POLN: variants seen among roughly 807,000 people sequenced by gnomAD.
POLN encodes DNA polymerase N.
Under a neutral mutation model 113.5 loss-of-function variants are expected in POLN, and 108 were observed. The observed-to-expected ratio is 0.95, with a 90% confidence interval of 0.81 to 1.12. The LOEUF is 1.12. Ranked by LOEUF, POLN falls within the 50% of genes most tolerant of loss-of-function variation. The pLI is 0.00. For synonymous variants in POLN, 386 were observed against 391.5 expected, an observed-to-expected ratio of 0.99 and a Z score of 0.17; for missense variants, 1,097 against 1,077.1, an observed-to-expected ratio of 1.02 and a Z score of -0.26.
chr4:2,188,962 T>C (rs560141914), intron 7 of POLN, among the ~76,000 whole-genome samples: 2 of 150,620 alleles, frequency 1.3e-5, no homozygotes, highest in African/African-American at 5.0e-5. Flanking sequence ...TAAAGATAAG[T>C]TGTCATCTGT....
chr4:2,187,290 C>A (rs893577779), intron 7 of POLN, among the ~76,000 whole-genome samples: 1 of 152,144 alleles, frequency 6.6e-6, no homozygotes, highest in East Asian at 1.9e-4. Context: ...GTTGCTCAGG[C>A]GGAAGTGCAA....
intron 5 of POLN, among the ~76,000 whole-genome samples, chr4:2,205,868 C>CT (rs1733830135): frequency 7.5e-6 from 1 of 133,378 alleles, no homozygotes; most frequent in Non-Finnish European, 1.5e-5. Context: ...GAGCGAGACT[C>CT]TGTCTCAAAA....
intron 13 of POLN, among the ~76,000 whole-genome samples, chr4:2,162,919 C>G (rs1233478446): frequency 6.7e-6 from 1 of 149,012 alleles, no homozygotes; most frequent in Non-Finnish European, 1.5e-5. Context: ...TCTTGATATT[C>G]AATAGACTAT....
chr4:2,109,433 T>G (rs1386274996), intron 19 of POLN, among the ~76,000 whole-genome samples: 3 of 152,228 alleles, frequency 2.0e-5, no homozygotes, highest in African/African-American at 7.2e-5. Flanking sequence ...TTAAACTTTA[T>G]TTAAATAGAA....
intron 2 of POLN, chr4:2,240,237 T>G (rs368361238): frequency 3.1e-6 from 5 of 1,613,728 alleles, no homozygotes; most frequent in Non-Finnish European, 4.2e-6. Flanking sequence ...AAGTTGAAAA[T>G]TGTCTTCATT....
At chr4:2,182,892 A>G (rs1733178144) in intron 7 of POLN, among the ~76,000 whole-genome samples, 1 of 152,216 alleles carries the variant, frequency 6.6e-6, no homozygotes, top group African/African-American at 2.4e-5. Context: ...ATTGGGAGAA[A>G]GTATTTGCAA....
Position 2,085,699 on chromosome 4 carries a change from G to C in POLN, c.2111C>G (p.Ala704Gly). The change falls in exon 21 of 26, where the codon GCT becomes GGT. Residue 704 changes from alanine (A) to glycine (G), a missense_variant. Ala to Gly is a moderately conservative substitution (Grantham distance 60). Coordinates refer to ENST00000511885, the MANE Select transcript of POLN (RefSeq NM_181808.4). ...CAAAAAACTCTCCAAAAACTGGGCA[G>C]CTTCCTGAATAGGAACTCCAAGGCA... Reference protein sequence around the residue: ...AACLGVPIQEAAQFLESFLQK... With the variant: ...AACLGVPIQEGAQFLESFLQK... The C allele has an allele frequency of 6.2e-7, 1 of 1,614,094 alleles. No individual in the cohort carries two copies.
intron 2 of POLN, chr4:2,238,479 T>C (rs1235687144): frequency 7.8e-6 from 4 of 515,568 alleles, no homozygotes; most frequent in South Asian, 5.1e-5. Context: ...GGAAAAAAAA[T>C]AGAAAGGCCA....
chr4:2,192,937 C>CAAGAA (rs1184817209), intron 7 of POLN, among the ~76,000 whole-genome samples: 11 of 151,982 alleles, frequency 7.2e-5, no homozygotes, highest in Non-Finnish European at 1.0e-4. Context: ...TTTGTGGTAA[C>CAAGAA]AAGAAATCTC....
intron 5 of POLN, among the ~76,000 whole-genome samples, chr4:2,206,168 C>T (rs1174342740): frequency 1.3e-5 from 2 of 152,128 alleles, no homozygotes; most frequent in East Asian, 3.8e-4. Context: ...CCCTATTCAA[C>T]AAATGGTGCT....
rs1730188657 is a variant in POLN at position 2,073,012 on chromosome 4, T to A, written c.2473A>T (p.Met825Leu). The A allele has an allele frequency of 6.2e-7, 1 of 1,613,512 alleles. No homozygotes were observed. Among genetic ancestry groups the A allele is most frequent in the South Asian group, 1.1e-5 (1 of 91,078 alleles). Reference sequence around the variant, plus strand: ...GCCTGCACCTGTTCCAAGGACTCCATGGTCCTCCTGACGAGAGCTAGAGTG... The same window carrying A: ...GCCTGCACCTGTTCCAAGGACTCCAAGGTCCTCCTGACGAGAGCTAGAGTG... ...PECAALVRRTMESLEQVQALE... is the reference protein window; with the variant it reads ...PECAALVRRTLESLEQVQALE... Residue 825 changes from methionine to leucine, a missense_variant, in exon 25 of 26, where the codon ATG (methionine) becomes TTG (leucine). Coordinates refer to ENST00000511885, the MANE Select transcript of POLN (RefSeq NM_181808.4).
At chr4:2,111,009 G>C (rs558040101) in intron 19 of POLN, among the ~76,000 whole-genome samples, 3 of 152,092 alleles carry the variant, frequency 2.0e-5, no homozygotes, top group Non-Finnish European at 4.4e-5. Context: ...CTGGCAAACC[G>C]AATCCAGCAA....
At chr4:2,194,762 T>C (rs1044181047) in intron 6 of POLN, among the ~76,000 whole-genome samples, 1 of 152,166 alleles carries the variant, frequency 6.6e-6, no homozygotes, top group African/African-American at 2.4e-5. Context: ...TGCATGCCTG[T>C]AGTCCTAAAG....
intron 16 of POLN, among the ~76,000 whole-genome samples, chr4:2,142,345 A>AGGTGCTGGGAACAAAATATGCACT (rs1244185357): frequency 1.3e-5 from 2 of 152,194 alleles, no homozygotes; most frequent in Admixed American, 1.3e-4. Context: ...AAGTAGCAAG[A>AGGTGCTGGGAACAAAATATGCACT]GGTGCTGGGA....
intron 20 of POLN, chr4:2,090,388 T>C: frequency 1.5e-6 from 1 of 648,922 alleles, no homozygotes; most frequent in East Asian, 2.6e-5. Flanking sequence ...ACGAGCTTGA[T>C]TAAATCCACT....
intron 2 of POLN, among the ~76,000 whole-genome samples, chr4:2,235,567 C>T (rs1734730967): frequency 6.6e-6 from 1 of 152,134 alleles, no homozygotes; most frequent in Non-Finnish European, 1.5e-5. Flanking sequence ...TATGAATGAA[C>T]TATATAGCTT....
intron 19 of POLN, among the ~76,000 whole-genome samples, chr4:2,112,451 C>A (rs1401995748): frequency 3.3e-5 from 5 of 151,982 alleles, no homozygotes; most frequent in African/African-American, 9.6e-5. Context: ...AACAGGCAAC[C>A]TACAGAATGG....
chr4:2,117,923 T>C (rs972913372), intron 19 of POLN, among the ~76,000 whole-genome samples: 1 of 152,234 alleles, frequency 6.6e-6, no homozygotes, highest in African/African-American at 2.4e-5. Context: ...ATAGAAGACC[T>C]GGAGCCCAAG....
chr4:2,179,535 T>C (rs1417927102), intron 7 of POLN, 70 bp from the exon 8 acceptor site: 2 of 1,477,404 alleles, frequency 1.4e-6, no homozygotes, highest in Admixed American at 3.7e-5. Context: ...TTGACAAAGT[T>C]CTTAAGTTCA....
Sources: gnomAD v4.1 joint callset for allele counts (sites outside exome capture counted in the v4.1 genomes callset) on GRCh38, gnomAD v4.1.1 for gene constraint, MANE v1.5 for transcripts, NCBI Gene and HGNC (gene_info 2026-07-23, HGNC 2026-07-21) for gene names.